GTSE1: variants seen among roughly 807,000 people sequenced by gnomAD.
The protein encoded by GTSE1 is G2 and S phase-expressed protein 1.
In GTSE1, 52 loss-of-function variants were observed where a neutral mutation model predicts 60.5. That is an observed-to-expected ratio of 0.86 (90% CI 0.69 to 1.08). GTSE1 has a LOEUF of 1.08. Among genes scored for constraint, GTSE1 ranks in the 50% least tolerant of loss-of-function variants. GTSE1 has a pLI of 0.00. For synonymous variants in GTSE1, 368 were observed against 386.5 expected, an observed-to-expected ratio of 0.95 and a Z score of 0.56; for missense variants, 937 against 961.8, an observed-to-expected ratio of 0.97 and a Z score of 0.34.
At chr22:46,326,857 C>A in intron 9 of GTSE1, 1 of 509,092 alleles carries the variant, frequency 2.0e-6, no homozygotes, top group African/African-American at 2.0e-5. Flanking sequence ...CAAGGAAATA[C>A]TGCGTGTAAT....
chr22:46,304,152 G>A lies in GTSE1; in HGVS notation c.80-3998G>A, dbSNP rs997947639. Among the ~76,000 whole-genome samples the A allele has an allele frequency of 1.3e-5, 2 of 151,884 alleles. No homozygotes were observed. The highest frequency in any genetic ancestry group is 2.4e-5 in the African/African-American group (1 of 41,330). ...CTACAGGTATATGGCACCATACCCC[G>A]CTCATTTTTTTTTTTCTTTTTGTAG... On this transcript the variant is annotated intron_variant, in intron 2 of 11. Coordinates refer to ENST00000454366, the MANE Select transcript of GTSE1 (RefSeq NM_016426.7). The surrounding 1 kb of genome is among the most constrained non-coding windows in gnomAD (Gnocchi z 4.4).
chr22:46,308,453 G>C lies in GTSE1; in HGVS notation c.272G>C (p.Ser91Thr), dbSNP rs1021831984. The C allele has an allele frequency of 3.0e-5, 48 of 1,614,080 alleles. No homozygotes were observed. Among genetic ancestry groups the C allele is most frequent in the Non-Finnish European group, 4.0e-5 (47 of 1,180,044 alleles). ...ACATCTGAGAGTCCCTTTGCCTGGA[G>C]CCCTCTGGCCGGGGAGAAGTTCGTG... ...LPTSESPFAWSPLAGEKFVEV... is the reference protein window; with the variant it reads ...LPTSESPFAWTPLAGEKFVEV... The change falls in exon 4 of 12, where the codon AGC becomes ACC. Residue 91 changes from serine to threonine, a missense_variant. By Grantham distance (58) the Ser-to-Thr change is moderately conservative (BLOSUM62 1). Coordinates refer to ENST00000454366, the MANE Select transcript of GTSE1 (RefSeq NM_016426.7).
At position 46,330,082 on chromosome 22, in the gene GTSE1, C is replaced by T; in HGVS notation, c.2172C>T (p.Ser724=). 1 of 1,611,476 alleles carries T rather than the reference C, an allele frequency of 6.2e-7. No homozygotes were observed. Among genetic ancestry groups the T allele is most frequent in the Non-Finnish European group, 8.5e-7 (1 of 1,177,540 alleles). Residue 724 remains serine, a synonymous_variant, in exon 12 of 12, where the codon AGC becomes AGT. Transcript: ENST00000454366. This position sits in a 1 kb window ranked among gnomAD's most constrained non-coding sequence, Gnocchi z 6.0. ...TGAGCTCCCCTCTGATCCAGCTGAG[C>T]CCTGAGGCTGACAAGGAGAACGTGG... ...IDLSSPLIQL[S]PEADKENVDS...
intron 2 of GTSE1, among the ~76,000 whole-genome samples, chr22:46,302,510 G>C (rs928953624): frequency 6.6e-5 from 10 of 151,988 alleles, no homozygotes; most frequent in African/African-American, 2.4e-4. Flanking sequence ...TGGTAGCTGA[G>C]ACTACCACGC....
Position 46,314,130 on chromosome 22 carries a change from G to A in GTSE1, c.1051+117G>A. ...CTTAGGCTTGGCAGGACGTCCCGGA[G>A]GGCGTGCTGTGTGCGGTGGACCAGG... On this transcript the variant is annotated intron_variant, in intron 6 of 11. Transcript: ENST00000454366. This position sits in a 1 kb window ranked among gnomAD's most constrained non-coding sequence, Gnocchi z 7.1. The A allele has an allele frequency of 7.7e-7, 1 of 1,294,626 alleles. No homozygotes were observed. Among genetic ancestry groups the A allele is most frequent in the Non-Finnish European group, 1.1e-6 (1 of 920,106 alleles). 80.2% of individuals were successfully genotyped at this position (1,294,626 alleles called of 1,614,324 possible). A position where few individuals can be genotyped will look rare whatever the true frequency, so the allele number is the denominator to read the frequency against.
chr22:46,327,840 GA>G, intron 9 of GTSE1, among the ~76,000 whole-genome samples: 1 of 152,322 alleles, frequency 6.6e-6, no homozygotes, highest in East Asian at 1.9e-4. Context: ...GACTCTGGAA[GA>G]AAATATGCTG....
Position 46,309,536 on chromosome 22 carries a change from G to A in GTSE1, c.762+593G>A, listed in dbSNP as rs967436258. Reference sequence around the variant, plus strand: ...GGGTGGGAGCCCCGGGGCCCACCCTGCAGCCCGTTCCCAGCTCTGCCCCCT... The same window carrying A: ...GGGTGGGAGCCCCGGGGCCCACCCTACAGCCCGTTCCCAGCTCTGCCCCCT... On this transcript the variant is annotated intron_variant, in intron 4 of 11. Coordinates refer to ENST00000454366, the MANE Select transcript of GTSE1 (RefSeq NM_016426.7). The surrounding 1 kb of genome is among the most constrained non-coding windows in gnomAD (Gnocchi z 6.2). Among the ~76,000 whole-genome samples the A allele has an allele frequency of 6.6e-6, 1 of 152,118 alleles. No individual in the cohort carries two copies. The highest frequency in any genetic ancestry group is 1.9e-4 in the East Asian group (1 of 5,174).
Position 46,321,871 on chromosome 22 carries a change from C to T in GTSE1, c.1433-1319C>T, listed in dbSNP as rs572734733. Among the ~76,000 whole-genome samples the T allele has an allele frequency of 4.6e-5, 7 of 152,112 alleles. No homozygotes were observed. The highest frequency in any genetic ancestry group is 2.1e-4 in the South Asian group (1 of 4,812). ...GGGCAATCACTTGAGGTCAGGAGTT[C>T]AAGACCAGCCTGGCCAACATGGCAA... On this transcript the variant is annotated intron_variant, in intron 7 of 11. Transcript: ENST00000454366. This position sits in a 1 kb window ranked among gnomAD's most constrained non-coding sequence, Gnocchi z 4.0.
At position 46,304,304 on chromosome 22, in the gene GTSE1, T is replaced by C. The variant is rs2077704973; in HGVS notation, c.80-3846T>C. On this transcript the variant is annotated intron_variant, in intron 2 of 11. Coordinates refer to ENST00000454366, the MANE Select transcript of GTSE1 (RefSeq NM_016426.7). The surrounding 1 kb of genome is among the most constrained non-coding windows in gnomAD (Gnocchi z 4.4). ...CATACCTGGCCTACCTTTGTTGTTT[T>C]AAGGGTTGTTACTTCAGCATGTTAG... 6.6e-6 allele frequency among the ~76,000 whole-genome samples: 1 copy of C among 152,184 alleles called. No individual in the cohort carries two copies. The highest frequency in any genetic ancestry group is 2.4e-5 in the African/African-American group (1 of 41,442).
rs1231036157 is a variant in GTSE1 at position 46,324,177 on chromosome 22, G to A, written c.1505+915G>A. Among the ~76,000 whole-genome samples the A allele has an allele frequency of 6.6e-6, 1 of 152,084 alleles. No individual in the cohort carries two copies. Among genetic ancestry groups the A allele is most frequent in the Non-Finnish European group, 1.5e-5 (1 of 68,010 alleles). On this transcript the variant is annotated intron_variant, in intron 8 of 11. Transcript: ENST00000454366. This position sits in a 1 kb window ranked among gnomAD's most constrained non-coding sequence, Gnocchi z 5.2. ...TGTGTGAGCTTGAGACACGCTTCGC[G>A]AGGTCGAACTAGCCAGTCCCTCACG...
chr22:46,328,610 A>G, intron 9 of GTSE1, 78 bp from the exon 10 acceptor site: 1 of 1,113,408 alleles, frequency 9.0e-7, no homozygotes, highest in Non-Finnish European at 1.4e-6. Flanking sequence ...GTTCCTCCAG[A>G]GTGACTTGCT....
At chr22:46,325,582 A>G (rs1601917194) in intron 8 of GTSE1, among the ~76,000 whole-genome samples, 1 of 151,330 alleles carries the variant, frequency 6.6e-6, no homozygotes, top group African/African-American at 2.4e-5. Flanking sequence ...TGTAACCTCT[A>G]CCTCCTGGGT....
chr22:46,299,617 T>C (rs2077677659), intron 2 of GTSE1, among the ~76,000 whole-genome samples: 1 of 152,214 alleles, frequency 6.6e-6, no homozygotes, highest in African/African-American at 2.4e-5. Context: ...TCCATCCACA[T>C]GCTGCTGTCT....
At chr22:46,326,082 C>T (rs2077841961) in intron 8 of GTSE1, among the ~76,000 whole-genome samples, 1 of 152,280 alleles carries the variant, frequency 6.6e-6, no homozygotes, top group Admixed American at 6.5e-5. Context: ...ATGACACCAA[C>T]TGAAAGATGA....
In GTSE1 at chr22:46,316,105, A is replaced by T; in HGVS notation, c.1125A>T (p.Arg375Ser). 6.4e-7 allele frequency: 1 copy of T among 1,573,282 alleles called. No homozygotes were observed. The highest frequency in any genetic ancestry group is 8.6e-7 in the Non-Finnish European group (1 of 1,157,282). Residue 375 changes from arginine to serine, a missense_variant, in exon 7 of 12, where the codon AGA (arginine) becomes AGT (serine). Arg to Ser is a moderately radical substitution (Grantham distance 110, BLOSUM62 -1). Transcript: ENST00000454366. The surrounding 1 kb of genome is among the most constrained non-coding windows in gnomAD (Gnocchi z 5.0). The stretch of plus-strand genomic sequence containing the variant: ...TGTCAAACATCAGCAAGTCAGGCAG[A>T]ATGGGACCCGCCATGCTGCGGCCAG... Reference protein sequence around the residue: ...RPLSNISKSGRMGPAMLRPAL... With the variant: ...RPLSNISKSGSMGPAMLRPAL...
chr22:46,306,708 G>A (rs1253020081), intron 2 of GTSE1, among the ~76,000 whole-genome samples: 3 of 150,680 alleles, frequency 2.0e-5, no homozygotes, highest in East Asian at 3.9e-4. Context: ...GGCTGATCTC[G>A]AACTCCTGAC....
At position 46,316,443 on chromosome 22, in the gene GTSE1, T is replaced by TA; in HGVS notation, c.1432+37dup. The TA allele has an allele frequency of 7.7e-7, 1 of 1,292,542 alleles. No individual in the cohort carries two copies. The highest frequency in any genetic ancestry group is 1.1e-6 in the Non-Finnish European group (1 of 929,452). 80.1% of individuals were successfully genotyped at this position (1,292,542 alleles called of 1,614,324 possible). A position where few individuals can be genotyped will look rare whatever the true frequency, so the allele number is the denominator to read the frequency against. On this transcript the variant is annotated intron_variant, in intron 7 of 11. Coordinates refer to ENST00000454366, the MANE Select transcript of GTSE1 (RefSeq NM_016426.7). The surrounding 1 kb of genome is among the most constrained non-coding windows in gnomAD (Gnocchi z 5.0). The stretch of plus-strand genomic sequence containing the variant: ...TAATAGATACATTTTAATGTGTCTT[T>TA]AAAAAATACTGAAGAAATTGCATTT...
rs1039083389 is a variant in GTSE1 at position 46,314,370 on chromosome 22, C to T, written c.1051+357C>T. On this transcript the variant is annotated intron_variant, in intron 6 of 11. Transcript: ENST00000454366. This position sits in a 1 kb window ranked among gnomAD's most constrained non-coding sequence, Gnocchi z 7.1. Reference sequence around the variant, plus strand: ...TTCCAGATAATGTAGGGCATATGGCCCCATAACTCCTGGGTGCCTGTTTAA... The same window carrying T: ...TTCCAGATAATGTAGGGCATATGGCTCCATAACTCCTGGGTGCCTGTTTAA... Among the ~76,000 whole-genome samples the T allele has an allele frequency of 1.1e-4, 16 of 152,304 alleles. No homozygotes were observed. Among genetic ancestry groups the T allele is most frequent in the African/African-American group, 3.8e-4 (16 of 41,576 alleles).
At position 46,320,419 on chromosome 22, in the gene GTSE1, G is replaced by A. The variant is rs1417849619; in HGVS notation, c.1433-2771G>A. Among the ~76,000 whole-genome samples the A allele has an allele frequency of 6.6e-6, 1 of 152,202 alleles. No individual in the cohort carries two copies. Among genetic ancestry groups the A allele is most frequent in the East Asian group, 1.9e-4 (1 of 5,184 alleles). ...CCCACAAACTCAGCACTGGCCGGAA[G>A]AGAGGCCCCAGGGGAGCAGCCACGC... is the stretch of plus-strand genomic sequence containing the variant. On this transcript the variant is annotated intron_variant, in intron 7 of 11. Transcript: ENST00000454366. The surrounding 1 kb of genome is among the most constrained non-coding windows in gnomAD (Gnocchi z 7.1).
Sources: gnomAD v4.1 joint callset for allele counts (sites outside exome capture counted in the v4.1 genomes callset) on GRCh38, gnomAD v4.1.1 for gene constraint, Gnocchi (gnomAD v3.1) non-coding constraint, MANE v1.5 for transcripts, NCBI Gene and HGNC (gene_info 2026-07-23, HGNC 2026-07-21) for gene names.